The following MYH11 variants were observed in gnomAD, a reference collection of about 807,000 sequenced individuals.
MYH11 encodes myosin-11.
MYH11 carries 80 observed loss-of-function variants against 246.6 expected under a neutral mutation model. The observed-to-expected ratio is 0.32, with a 90% CI of 0.27 to 0.39. The LOEUF is 0.39. Among genes scored for constraint, MYH11 ranks in the 10% least tolerant of loss-of-function variants. The pLI, the probability that MYH11 is intolerant of heterozygous loss-of-function variation, is 1.00. For synonymous variants in MYH11, 1,071 were observed against 1,015.5 expected (o/e 1.05, Z -1.04); for missense variants, 2,158 against 2,546.8 (o/e 0.85, Z 3.29).
chr16:15,764,219 G>T (rs1567740347), intron 9 of MYH11, among the ~76,000 whole-genome samples: 2 of 152,136 alleles, frequency 1.3e-5, no homozygotes, highest in African/African-American at 2.4e-5. Context: ...CAGAGTTAAT[G>T]AGTTGCAACA....
At chr16:15,763,737 C>CTGGTGGGGGG in intron 10 of MYH11, 59 bp downstream of exon 10, 1 of 754,746 alleles carries the variant, frequency 1.3e-6, no homozygotes, top group Non-Finnish European at 2.5e-6. Context: ...GGTTAAATGT[C>CTGGTGGGGGG]ACCTCCCCCA....
At chr16:15,725,998 G>A (rs2040735840) in intron 28 of MYH11, 2 of 298,972 alleles carry the variant, frequency 6.7e-6, no homozygotes, top group Non-Finnish European at 1.2e-5. Flanking sequence ...CAGCTCTACT[G>A]GCTGTATGTC....
Position 15,750,965 on chromosome 16 carries a change from G to A in MYH11, c.1865-634C>T, listed in dbSNP as rs760334088. Among the ~76,000 whole-genome samples the A allele has an allele frequency of 6.6e-6, 1 of 152,002 alleles. No individual in the cohort carries two copies. The highest frequency in any genetic ancestry group is 2.4e-5 in the African/African-American group (1 of 41,394). On this transcript the variant is annotated intron_variant, in intron 15 of 40. Transcript: ENST00000300036. This position sits in a 1 kb window ranked among gnomAD's most constrained non-coding sequence, Gnocchi z 4.3. The stretch of plus-strand genomic sequence containing the variant: ...AGGGTGCTCTCTTAGACAAGGAGGT[G>A]GTGGGCTCTGCTAAGTTGATATTTG...
intron 10 of MYH11, 104 bp downstream of exon 10, chr16:15,763,692 A>C: frequency 4.0e-6 from 4 of 994,308 alleles, no homozygotes; most frequent in Non-Finnish European, 6.5e-6. Context: ...CTGTTGTTAA[A>C]ATCCCAGATA....
In MYH11 at chr16:15,703,241, T is replaced by C. The variant is rs1240915145; in HGVS notation, c.*750A>G. 2 of 214,784 alleles carry C rather than the reference T, an allele frequency of 9.3e-6. No individual in the cohort carries two copies. The highest frequency in any genetic ancestry group is 4.5e-5 in the African/African-American group (2 of 44,314). The allele number at this position is 214,784 out of a possible 1,614,324, so 13.3% of individuals were successfully genotyped here. A position where few individuals can be genotyped will look rare whatever the true frequency, so the allele number is the denominator to read the frequency against. ...CGTGGGAGCAGCGTCTCCTTTTCAA[T>C]TCATGTGACTACAGAAGGCACTTGG... On this transcript the variant is annotated 3_prime_UTR_variant, in exon 41 of 41. Coordinates refer to ENST00000300036, the MANE Select transcript of MYH11 (RefSeq NM_002474.3).
At chr16:15,803,408 C>G (rs2042934957) in intron 3 of MYH11, among the ~76,000 whole-genome samples, 1 of 151,826 alleles carries the variant, frequency 6.6e-6, no homozygotes, top group Admixed American at 6.6e-5. Flanking sequence ...CCCCGAGTAG[C>G]TGGGACTACA....
At chr16:15,784,877 C>G in intron 5 of MYH11, 1 of 741,782 alleles carries the variant, frequency 1.3e-6, no homozygotes, top group Non-Finnish European at 2.3e-6. Flanking sequence ...TCTTTTCTCT[C>G]TGTTTAGCTG....
intron 38 of MYH11, among the ~76,000 whole-genome samples, chr16:15,716,860 G>A (rs971221796): frequency 2.6e-5 from 4 of 152,162 alleles, no homozygotes; most frequent in Admixed American, 6.5e-5. Flanking sequence ...CAGAGGCTGG[G>A]AAAAGTCATA....
chr16:15,727,046 C>T lies in MYH11; in HGVS notation c.3660G>A (p.Ala1220=), dbSNP rs1031958083. ...EQLEQFKRAK[A]NLDKNKQTLE... is the part of the protein sequence containing the mutation. Reference sequence around the variant, plus strand: ...GCGTCTGCTTATTCTTGTCTAGGTTCGCCTTGGCCTGGCGAAGGAAGCAGA... The same window carrying T: ...GCGTCTGCTTATTCTTGTCTAGGTTTGCCTTGGCCTGGCGAAGGAAGCAGA... Residue 1220 remains alanine, a synonymous_variant, in exon 28 of 41, where the codon GCG becomes GCA. Transcript: ENST00000300036. 13 of 1,613,396 alleles carry T rather than the reference C, an allele frequency of 8.1e-6. No homozygotes were observed. Among genetic ancestry groups the T allele is most frequent in the East Asian group, 6.7e-5 (3 of 44,854 alleles).
intron 4 of MYH11, among the ~76,000 whole-genome samples, chr16:15,795,426 A>G (rs554784682): frequency 8.0e-4 from 122 of 152,300 alleles, no homozygotes; most frequent in African/African-American, 2.8e-3. Flanking sequence ...AGCCTGACCA[A>G]CATGACAAAA....
intron 3 of MYH11, among the ~76,000 whole-genome samples, chr16:15,821,229 A>G (rs2043402640): frequency 6.6e-6 from 1 of 152,104 alleles, no homozygotes; most frequent in Admixed American, 6.6e-5. Flanking sequence ...TCCCTCCTCC[A>G]CACACATACT....
At chr16:15,775,540 T>C (rs935469790) in intron 8 of MYH11, among the ~76,000 whole-genome samples, 1 of 152,226 alleles carries the variant, frequency 6.6e-6, no homozygotes, top group Non-Finnish European at 1.5e-5. Flanking sequence ...CAGAGTTGAA[T>C]AGCTGTGCCA....
In MYH11 at chr16:15,752,842, G is replaced by A. The variant is rs534103401; in HGVS notation, c.1864+552C>T. 3.3e-5 allele frequency among the ~76,000 whole-genome samples: 5 copies of A among 152,294 alleles called. No individual in the cohort carries two copies. In the South Asian group the frequency reaches 1.0e-3, roughly 32 times the overall value. ...TGCAGTGAGCCAAGATTGCACCACC[G>A]CCCTCCAGCCTGGGTGACAAAGCAA... On this transcript the variant is annotated intron_variant, in intron 15 of 40. Transcript: ENST00000300036.
intron 20 of MYH11, among the ~76,000 whole-genome samples, chr16:15,743,970 A>G (rs2041347081): frequency 6.6e-6 from 1 of 152,188 alleles, no homozygotes; most frequent in African/African-American, 2.4e-5. Flanking sequence ...TCTGCCAGAA[A>G]TAAAAAATAA....
intron 37 of MYH11, chr16:15,717,688 T>C (rs911154279): frequency 2.7e-4 from 106 of 392,910 alleles, no homozygotes; most frequent in African/African-American, 2.1e-3. Flanking sequence ...CCCAGCTACT[T>C]GGGAGGTTGA....
At chr16:15,837,832 G>T in intron 2 of MYH11, 76 bp downstream of exon 2, 1 of 1,369,002 alleles carries the variant, frequency 7.3e-7, no homozygotes, top group Non-Finnish European at 1.0e-6. Flanking sequence ...ACTGTGCCCA[G>T]CCCTCCCAAC....
At chr16:15,818,799 A>G (rs1364880947) in intron 3 of MYH11, among the ~76,000 whole-genome samples, 4 of 152,234 alleles carry the variant, frequency 2.6e-5, no homozygotes, top group Non-Finnish European at 1.5e-5. Context: ...GCCAAAATAG[A>G]CGAGGGCATA....
At chr16:15,832,247 C>T (rs549125509) in intron 2 of MYH11, among the ~76,000 whole-genome samples, 2 of 152,230 alleles carry the variant, frequency 1.3e-5, no homozygotes, top group East Asian at 1.9e-4. Context: ...GTTCATGGTT[C>T]AGGGACTTGG....
chr16:15,763,741 T>TCCTC, intron 10 of MYH11, 55 bp downstream of exon 10: 1 of 646,860 alleles, frequency 1.5e-6, no homozygotes, highest in Non-Finnish European at 2.9e-6. Context: ...AAATGTCACC[T>TCCTC]CCCCCACCCC....
Sources: allele counts gnomAD v4.1 joint callset (sites outside exome capture counted in the v4.1 genomes callset), GRCh38; gene constraint gnomAD v4.1.1; non-coding constraint Gnocchi (gnomAD v3.1); transcripts MANE v1.5; gene names NCBI Gene and HGNC (gene_info 2026-07-23, HGNC 2026-07-21).